GABRQ: variants seen among roughly 807,000 people sequenced by gnomAD.
GABRQ encodes gamma-aminobutyric acid type A receptor subunit theta, also known as gamma-aminobutyric acid receptor subunit theta.
GABRQ carries 19 observed loss-of-function variants against 30.5 expected under a neutral mutation model. That is an observed-to-expected ratio of 0.62 (90% CI 0.43 to 0.91). GABRQ has a LOEUF of 0.91. Among genes scored for constraint, GABRQ ranks in the 40% least tolerant of loss-of-function variants. GABRQ has a pLI of 0.00. For synonymous variants in GABRQ, 187 were observed against 210.2 expected (o/e 0.89, Z 0.95); for missense variants, 520 against 521.4 (o/e 1.00, Z 0.03).
chrX:152,647,981 A>G (rs1408297760), intron 4 of GABRQ, among the ~76,000 whole-genome samples: 6 of 111,081 alleles, frequency 5.4e-5, no homozygotes, highest in African/African-American at 2.0e-4. Flanking sequence ...TTTTCCATCC[A>G]CCTTCCCACA....
intron 2 of GABRQ, 39 bp from the exon 3 acceptor site, chrX:152,645,488 A>C (rs1556819064): frequency 2.3e-6 from 2 of 863,804 alleles, no homozygotes; most frequent in South Asian, 2.0e-5. Flanking sequence ...CTTAACCTTT[A>C]TTCTACCTTT....
Position 152,646,959 on chromosome X carries a change from C to T in GABRQ, c.318C>T (p.Ile106=). 1 of 1,200,746 alleles carries T rather than the reference C, an allele frequency of 8.3e-7. No homozygotes were observed. Residue 106 remains isoleucine, a synonymous_variant, in exon 4 of 9, where the codon ATC becomes ATT. Coordinates refer to ENST00000598523, the MANE Select transcript of GABRQ (RefSeq NM_018558.4). ...ATTTGTCTTCCCAGGACTACACGAT[C>T]ACGATGTTTTTTCATCAGACTTGGA... is the stretch of plus-strand genomic sequence containing the variant. ...QISEMNMDYT[I]TMFFHQTWKD...
In GABRQ at chrX:152,649,814, T is replaced by G; in HGVS notation, c.683T>G (p.Leu228Arg). 8.5e-7 allele frequency: 1 copy of G among 1,173,738 alleles called. No individual in the cohort carries two copies. Among genetic ancestry groups the G allele is most frequent in the Non-Finnish European group, 1.2e-6 (1 of 860,979 alleles). Residue 228 changes from leucine to arginine, a missense_variant, in exon 6 of 9, where the codon CTG becomes CGG. Leu to Arg is a moderately radical substitution (Grantham distance 102). Transcript: ENST00000598523. ...NGNAIHMTEE[L>R]HIPQFTFLGR... ...AACGCCATCCACATGACTGAGGAGC[T>G]GCATATCCCTCAGTTCACTTTCCTG...
chrX:152,650,960 C>T (rs1556820088), intron 7 of GABRQ, among the ~76,000 whole-genome samples: 3 of 111,480 alleles, frequency 2.7e-5, no homozygotes, highest in African/African-American at 9.8e-5. Context: ...AGCACAAAGA[C>T]ATCCTGGTCA....
In GABRQ at chrX:152,649,353, C is replaced by T. The variant is rs1556819737; in HGVS notation, c.610+20C>T. The stretch of plus-strand genomic sequence containing the variant: ...AGAGCTGTACGTATGTCTCCTATGG[C>T]CCCTTCTTCCGTACTTGGGGCTGTG... On this transcript the variant is annotated intron_variant, in intron 5 of 8. Transcript: ENST00000598523. The T allele has an allele frequency of 3.1e-6, 3 of 963,989 alleles. No homozygotes were observed. The highest frequency in any genetic ancestry group is 6.1e-5 in the East Asian group (2 of 32,788). 79.4% of individuals were successfully genotyped at this position (963,989 alleles called of 1,213,427 possible). A position where few individuals can be genotyped will look rare whatever the true frequency, so the allele number is the denominator to read the frequency against.
chrX:152,650,618 ATTTGGCTC>A, intron 7 of GABRQ, 38 bp downstream of exon 7: 1 of 1,110,398 alleles, frequency 9.0e-7, no homozygotes, highest in Admixed American at 2.3e-5. Context: ...AATTTGGGTC[ATTTGGCTC>A]AGAAAAAAAG....
At chrX:152,638,414 T>TCCAAGAGGCCAGA in intron 1 of GABRQ, 63 bp downstream of exon 1, 1 of 1,104,656 alleles carries the variant, frequency 9.1e-7, no homozygotes, top group Non-Finnish European at 1.2e-6. Flanking sequence ...AGACGACCTC[T>TCCAAGAGGCCAGA]GGCCTCTTGG....
chrX:152,653,093 GAGA>G lies in GABRQ; in HGVS notation c.1714_1716del (p.Lys572del), dbSNP rs1931074224. 2.5e-6 allele frequency: 3 copies of G among 1,209,262 alleles called. No individual in the cohort carries two copies. In the African/African-American group the frequency reaches 5.2e-5, roughly 21 times the overall value. Reference sequence around the variant, plus strand: ...TGATGAGCTCATGGCCCATGGCCAAGAGAAGGACAGTAGCTCAGAGTCTGAGGA... The same window carrying G: ...TGATGAGCTCATGGCCCATGGCCAAGAGGACAGTAGCTCAGAGTCTGAGGA... On this transcript the variant is annotated inframe_deletion, in exon 9 of 9. Transcript: ENST00000598523.
At position 152,646,994 on chromosome X, in the gene GABRQ, G is replaced by A. The variant is rs781815409; in HGVS notation, c.353G>A (p.Arg118His). ...TTTCATCAGACTTGGAAAGATTCAC[G>A]CTTAGCATACTATGAGACCACCCTG... ...MFFHQTWKDS[R>H]LAYYETTLNL... is the part of the protein sequence containing the mutation. Residue 118 changes from arginine to histidine, a missense_variant, in exon 4 of 9, where the codon CGC (arginine) becomes CAC (histidine). By Grantham distance (29) the Arg-to-His change is conservative (BLOSUM62 0). Transcript: ENST00000598523. 2.5e-6 allele frequency: 3 copies of A among 1,207,726 alleles called. No homozygotes were observed. Among genetic ancestry groups the A allele is most frequent in the South Asian group, 3.5e-5 (2 of 56,858 alleles).
Position 152,643,914 on chromosome X carries a change from A to G in GABRQ, c.239-1613A>G, listed in dbSNP as rs782395300. 2.7e-5 allele frequency among the ~76,000 whole-genome samples: 3 copies of G among 111,056 alleles called. No individual in the cohort carries two copies. In the East Asian group the frequency reaches 8.4e-4, roughly 31 times the overall value. ...ATGCACATATGCACGCGTTCACTCA[A>G]ACTCAAACATGCTCACACACACATG... On this transcript the variant is annotated intron_variant, in intron 2 of 8. Transcript: ENST00000598523.
chrX:152,645,124 C>T (rs1346538961), intron 2 of GABRQ, among the ~76,000 whole-genome samples: 1 of 88,346 alleles, frequency 1.1e-5, no homozygotes, highest in African/African-American at 3.6e-5. Flanking sequence ...TACACACAGA[C>T]ACACATGTGC....
chrX:152,649,456 C>G (rs1930965170), intron 5 of GABRQ, 123 bp downstream of exon 5: 4 of 504,082 alleles, frequency 7.9e-6, no homozygotes, highest in Non-Finnish European at 1.4e-5. Context: ...CCCCCATTCT[C>G]TCTCCCAAAA....
In GABRQ at chrX:152,647,086, A is replaced by G. The variant is rs898928431; in HGVS notation, c.445A>G (p.Lys149Glu). The G allele has an allele frequency of 8.3e-7, 1 of 1,210,646 alleles. No homozygotes were observed. Among genetic ancestry groups the G allele is most frequent in the East Asian group, 3.0e-5 (1 of 33,850 alleles). The change falls in exon 4 of 9, where the codon AAG becomes GAG. Residue 149 changes from lysine to glutamate, a missense_variant. Lys to Glu is a moderately conservative substitution (Grantham distance 56). Transcript: ENST00000598523. Reference sequence around the variant, plus strand: ...CCCTGACTGCTACTTTCTGAACAGCAAGGATGCTTTCGTGCATGATGTGAC... The same window carrying G: ...CCCTGACTGCTACTTTCTGAACAGCGAGGATGCTTTCGTGCATGATGTGAC... Reference protein sequence around the residue: ...WVPDCYFLNSKDAFVHDVTVE... With the variant: ...WVPDCYFLNSEDAFVHDVTVE...
rs782370340 is a variant in GABRQ, at chrX:152,652,564, C to T, written c.1182C>T (p.Asp394=). 9.9e-6 allele frequency: 12 copies of T among 1,206,374 alleles called. 1 individual carries two copies. Among genetic ancestry groups the T allele is most frequent in the South Asian group, 7.1e-5 (4 of 56,134 alleles). The change falls in exon 9 of 9, where the codon GAC becomes GAT. Residue 394 remains aspartate (D), a synonymous_variant. Transcript: ENST00000598523. ...NVQDGLINVE[D]GVSSLPITPA... ...AGGATGGCCTGATTAACGTGGAAGA[C>T]GGAGTCAGCTCTCTCCCCATCACCC...
chrX:152,640,149 T>TAAAG (rs782640675), intron 1 of GABRQ, among the ~76,000 whole-genome samples: 1 of 103,989 alleles, frequency 9.6e-6, no homozygotes, highest in South Asian at 4.1e-4. Context: ...AGCCCCACCC[T>TAAAG]CTGGATTAAA....
At chrX:152,644,221 T>C (rs781907502) in intron 2 of GABRQ, among the ~76,000 whole-genome samples, 2 of 109,912 alleles carry the variant, frequency 1.8e-5, no homozygotes, top group East Asian at 5.8e-4. Flanking sequence ...ACAAATTCAC[T>C]CAAAAACGAC....
intron 2 of GABRQ, among the ~76,000 whole-genome samples, chrX:152,642,413 C>T (rs1232462261): frequency 8.9e-6 from 1 of 111,954 alleles, no homozygotes; most frequent in Non-Finnish European, 1.9e-5. Flanking sequence ...GAGCCTTATT[C>T]CTTCCTTGCA....
At position 152,656,176 on chromosome X, in the gene GABRQ, G is replaced by C. The variant is rs1380799805; in HGVS notation, c.*2895G>C. Reference sequence around the variant, plus strand: ...CCTTGTTGAGTCTTGTATGTGGTCTGTCCTCTGTGTCATTTGAGTCCTCAG... The same window carrying C: ...CCTTGTTGAGTCTTGTATGTGGTCTCTCCTCTGTGTCATTTGAGTCCTCAG... On this transcript the variant is annotated 3_prime_UTR_variant, in exon 9 of 9. Coordinates refer to ENST00000598523, the MANE Select transcript of GABRQ (RefSeq NM_018558.4). 1 of 110,417 alleles carries C rather than the reference G, an allele frequency of 9.1e-6. No homozygotes were observed. The highest frequency in any genetic ancestry group is 3.3e-5 in the African/African-American group (1 of 30,262). 9.1% of individuals were successfully genotyped at this position (110,417 alleles called of 1,213,427 possible).
At chrX:152,647,285 G>A in intron 4 of GABRQ, 117 bp downstream of exon 4, 1 of 520,711 alleles carries the variant, frequency 1.9e-6, no homozygotes, top group Non-Finnish European at 3.2e-6. Context: ...AACCCGTCTT[G>A]AACTTCCCCC....
Sources: gnomAD v4.1 joint callset for allele counts (sites outside exome capture counted in the v4.1 genomes callset) on GRCh38, gnomAD v4.1.1 for gene constraint, MANE v1.5 for transcripts, NCBI Gene and HGNC (gene_info 2026-07-23, HGNC 2026-07-21) for gene names.